The following SLC25A26 variants were observed in gnomAD, a reference collection of about 807,000 sequenced individuals.
SLC25A26 encodes the protein mitochondrial S-adenosylmethionine carrier protein.
A neutral mutation model predicts 37.8 loss-of-function variants in SLC25A26; 36 were observed. That is an observed-to-expected ratio of 0.95 (90% CI 0.73 to 1.26). SLC25A26 has a LOEUF of 1.26. Among genes scored for constraint, SLC25A26 ranks in the 50% most tolerant of loss-of-function variants. The pLI is 0.00. For synonymous variants in SLC25A26, 129 were observed against 122.5 expected (o/e 1.05, Z -0.35); for missense variants, 390 against 331.1 (o/e 1.18, Z -1.38).
chr3:66,290,019 G>A (rs1383182579), intron 5 of SLC25A26, among the ~76,000 whole-genome samples: 1 of 152,164 alleles, frequency 6.6e-6, no homozygotes, highest in Non-Finnish European at 1.5e-5. Context: ...AGTTCTCCTT[G>A]AAGAGGTCCT....
intron 5 of SLC25A26, among the ~76,000 whole-genome samples, chr3:66,265,401 A>T (rs926891320): frequency 6.6e-6 from 1 of 152,236 alleles, no homozygotes; most frequent in African/African-American, 2.4e-5. Context: ...TCTAAGTTCA[A>T]AAGTTCGTTT....
At chr3:66,160,454 A>G (rs188676835) in intron 1 of SLC25A26, among the ~76,000 whole-genome samples, 21 of 152,346 alleles carry the variant, frequency 1.4e-4, no homozygotes, top group African/African-American at 4.1e-4. Flanking sequence ...CCGTTAAAAT[A>G]AAGTTCTGCT....
At chr3:66,365,813 A>G (rs75949573) in intron 7 of SLC25A26, among the ~76,000 whole-genome samples, 2,379 of 152,326 alleles carry the variant, frequency 0.016, 76 homozygotes, top group African/African-American at 0.054. Flanking sequence ...GGTCACGCAC[A>G]TAAGAGGGGT....
At chr3:66,343,821 A>C (rs1264714190) in intron 5 of SLC25A26, among the ~76,000 whole-genome samples, 4 of 152,208 alleles carry the variant, frequency 2.6e-5, no homozygotes, top group African/African-American at 9.7e-5. Context: ...CATTTAGAAA[A>C]GCTTTTAGAA....
At chr3:66,141,859 G>T (rs2070041237) in intron 1 of SLC25A26, among the ~76,000 whole-genome samples, 1 of 152,252 alleles carries the variant, frequency 6.6e-6, no homozygotes, top group African/African-American at 2.4e-5. Flanking sequence ...GTGGATGGAA[G>T]TTGTTGAAGC....
intron 1 of SLC25A26, among the ~76,000 whole-genome samples, chr3:66,155,362 A>C (rs2070267003): frequency 6.6e-6 from 1 of 152,122 alleles, no homozygotes; most frequent in Non-Finnish European, 1.5e-5. Context: ...AAAATAAAAA[A>C]ATTAGCCAGA....
intron 1 of SLC25A26, among the ~76,000 whole-genome samples, chr3:66,166,086 C>T (rs1399487313): frequency 6.6e-6 from 1 of 152,146 alleles, no homozygotes; most frequent in Non-Finnish European, 1.5e-5. Context: ...TTGATTCTGG[C>T]TTATTTGCTC....
At chr3:66,250,434 G>A (rs904754940) in intron 3 of SLC25A26, among the ~76,000 whole-genome samples, 3 of 152,212 alleles carry the variant, frequency 2.0e-5, no homozygotes, top group Non-Finnish European at 4.4e-5. Context: ...CTTTACAATG[G>A]TGCAAGAGTG....
At chr3:66,315,782 G>A (rs1267869449) in intron 5 of SLC25A26, among the ~76,000 whole-genome samples, 1 of 152,176 alleles carries the variant, frequency 6.6e-6, no homozygotes, top group African/African-American at 2.4e-5. Flanking sequence ...CTTGTTTTAT[G>A]AATCTAGGTG....
At chr3:66,149,177 G>T (rs1249387265) in intron 1 of SLC25A26, among the ~76,000 whole-genome samples, 2 of 152,072 alleles carry the variant, frequency 1.3e-5, no homozygotes, top group Admixed American at 1.3e-4. Flanking sequence ...GAGTGACATG[G>T]ACTCTAGAAA....
intron 8 of SLC25A26, 59 bp downstream of exon 8, chr3:66,369,601 G>C: frequency 7.3e-7 from 1 of 1,378,168 alleles, no homozygotes; most frequent in South Asian, 1.2e-5. Flanking sequence ...TTAGCACTAG[G>C]ACTACAGGTG....
At position 66,161,582 on chromosome 3, in the gene SLC25A26, C is replaced by T. The variant is rs991218652; in HGVS notation, c.-354+27598C>T. ...CTCATGAGGTGTAGATACTTCTATT[C>T]GAAGTTAGCGAGTTCAGGTAAACTA... On this transcript the variant is annotated intron_variant, in intron 1 of 10. Coordinates refer to the SLC25A26 transcript ENST00000676754. Among the ~76,000 whole-genome samples the T allele has an allele frequency of 9.2e-5, 14 of 152,150 alleles. 1 individual carries two copies. The highest frequency in any genetic ancestry group is 8.5e-4 in the Admixed American group (13 of 15,274).
intron 1 of SLC25A26, among the ~76,000 whole-genome samples, chr3:66,234,211 G>T (rs902319118): frequency 6.6e-6 from 1 of 152,174 alleles, no homozygotes. Flanking sequence ...TCCTGCCTCA[G>T]CCTCCCAGGT....
At chr3:66,282,377 C>G (rs2074376371) in intron 5 of SLC25A26, among the ~76,000 whole-genome samples, 2 of 152,128 alleles carry the variant, frequency 1.3e-5, no homozygotes, top group African/African-American at 2.4e-5. Flanking sequence ...AACTCCCGAC[C>G]TCAAGGGAGT....
At chr3:66,341,362 C>T (rs1336461912) in intron 5 of SLC25A26, among the ~76,000 whole-genome samples, 1 of 152,108 alleles carries the variant, frequency 6.6e-6, no homozygotes, top group Non-Finnish European at 1.5e-5. Flanking sequence ...TAGTGAATTA[C>T]AGACTAATTT....
chr3:66,244,851 C>A (rs1242040180), intron 3 of SLC25A26, among the ~76,000 whole-genome samples: 3 of 151,834 alleles, frequency 2.0e-5, no homozygotes, highest in African/African-American at 7.3e-5. Flanking sequence ...GTGGTGGGTG[C>A]CTGTAGTCCC....
intron 5 of SLC25A26, among the ~76,000 whole-genome samples, chr3:66,345,461 C>T (rs187792068): frequency 1.3e-5 from 2 of 151,678 alleles, no homozygotes; most frequent in African/African-American, 4.9e-5. Context: ...TCCTTCTCTG[C>T]CCCGTCTTCT....
At chr3:66,245,215 A>G (rs539052589) in intron 3 of SLC25A26, among the ~76,000 whole-genome samples, 6 of 149,874 alleles carry the variant, frequency 4.0e-5, no homozygotes, top group Non-Finnish European at 7.4e-5. Flanking sequence ...GCCAAAATTG[A>G]TATTTTAAAC....
chr3:66,157,611 C>A (rs1395778373), intron 1 of SLC25A26, among the ~76,000 whole-genome samples: 4 of 152,136 alleles, frequency 2.6e-5, no homozygotes, highest in Non-Finnish European at 4.4e-5. Context: ...CTCCAAAATC[C>A]ATTTATTTTT....
Sources: gnomAD v4.1 joint callset for allele counts (sites outside exome capture counted in the v4.1 genomes callset) on GRCh38, gnomAD v4.1.1 for gene constraint, MANE v1.5 for transcripts, NCBI Gene and HGNC (gene_info 2026-07-23, HGNC 2026-07-21) for gene names.